Variants in DOK5 observed in about 807,000 individuals in gnomAD.
DOK5 encodes the protein downstream of tyrosine kinase 5.
DOK5 carries 27 observed loss-of-function variants against 43.3 expected under a neutral mutation model. The observed-to-expected ratio is 0.62, with a 90% CI of 0.46 to 0.86. DOK5 has a LOEUF of 0.86. Ranked by LOEUF, DOK5 falls within the 40% of genes least tolerant of loss-of-function variation. DOK5 has a pLI of 0.00. For missense variants in DOK5, 373 were observed against 392.9 expected, an observed-to-expected ratio of 0.95 and a Z score of 0.43; for synonymous variants, 146 against 140.1, an observed-to-expected ratio of 1.04 and a Z score of -0.30.
At chr20:54,610,248 C>A in intron 5 of DOK5, 140 bp from the exon 6 acceptor site, 1 of 896,988 alleles carries the variant, frequency 1.1e-6, no homozygotes, top group Non-Finnish European at 1.5e-6. Flanking sequence ...CATTCCGATT[C>A]TAGTTAACTT....
At chr20:54,505,427 A>G (rs1309187959) in intron 1 of DOK5, among the ~76,000 whole-genome samples, 4 of 152,162 alleles carry the variant, frequency 2.6e-5, no homozygotes, top group Non-Finnish European at 1.5e-5. Context: ...CCTGGATTAA[A>G]CAAGTGAATA....
At chr20:54,478,103 T>G (rs540988015) in intron 1 of DOK5, among the ~76,000 whole-genome samples, 3 of 152,246 alleles carry the variant, frequency 2.0e-5, no homozygotes, top group Non-Finnish European at 4.4e-5. Flanking sequence ...ATTATGGTTA[T>G]TGCTCATGGA....
In DOK5 at chr20:54,525,061, A is replaced by G. The variant is rs182692823; in HGVS notation, c.67-29872A>G. The stretch of plus-strand genomic sequence containing the variant: ...AGTTCTTACCCTGCTCACATGTTAA[A>G]TAATCCAAGTGGCATTGCTCTGAGC... On this transcript the variant is annotated intron_variant, in intron 1 of 7. Coordinates refer to ENST00000262593, the MANE Select transcript of DOK5 (RefSeq NM_018431.5). 2.2e-4 allele frequency among the ~76,000 whole-genome samples: 33 copies of G among 152,326 alleles called. No individual in the cohort carries two copies. The East Asian group carries it at 6.0e-3, about 28-fold the overall frequency.
At chr20:54,594,484 A>C (rs1205602486) in intron 5 of DOK5, among the ~76,000 whole-genome samples, 4 of 152,184 alleles carry the variant, frequency 2.6e-5, no homozygotes, top group Non-Finnish European at 4.4e-5. Context: ...GGGTCTCAGA[A>C]ATTATTTATG....
intron 5 of DOK5, among the ~76,000 whole-genome samples, chr20:54,602,955 G>A (rs1342140825): frequency 1.3e-5 from 2 of 152,188 alleles, no homozygotes; most frequent in African/African-American, 2.4e-5. Context: ...ACAGGCATGA[G>A]CCACCGCGCC....
rs965271612 is a variant in DOK5, at chr20:54,604,769, G to A, written c.600-5619G>A. ...TAATCCCAGCACTTTGGGAGGCTGA[G>A]GTGGATGGATCACCCGAGGTCAGGA... On this transcript the variant is annotated intron_variant, in intron 5 of 7. Coordinates refer to ENST00000262593, the MANE Select transcript of DOK5 (RefSeq NM_018431.5). Among the ~76,000 whole-genome samples, 17 of 152,128 alleles carry A rather than the reference G, an allele frequency of 1.1e-4. No individual in the cohort carries two copies. In the East Asian group the frequency reaches 1.2e-3, roughly 10 times the overall value.
intron 6 of DOK5, among the ~76,000 whole-genome samples, chr20:54,634,793 T>C (rs1415013115): frequency 1.3e-5 from 2 of 151,920 alleles, no homozygotes; most frequent in Non-Finnish European, 2.9e-5. Flanking sequence ...TTTATTGAGA[T>C]ATGAACATAC....
chr20:54,524,695 A>C (rs1983521964), intron 1 of DOK5, among the ~76,000 whole-genome samples: 1 of 152,248 alleles, frequency 6.6e-6, no homozygotes, highest in Non-Finnish European at 1.5e-5. Context: ...GCTTTCTCTG[A>C]CTATTAAAGC....
rs116193965 is a variant in DOK5 at position 54,633,645 on chromosome 20, G to T, written c.736-9813G>T. Reference sequence around the variant, plus strand: ...CTTTATTCAGTCGCTTTAGGGCCCAGGTTGAATGAAAGGAAAATTACAATA... The same window carrying T: ...CTTTATTCAGTCGCTTTAGGGCCCATGTTGAATGAAAGGAAAATTACAATA... On this transcript the variant is annotated intron_variant, in intron 6 of 7. Coordinates refer to ENST00000262593, the MANE Select transcript of DOK5 (RefSeq NM_018431.5). 4.7e-3 allele frequency among the ~76,000 whole-genome samples: 721 copies of T among 152,268 alleles called. 7 individuals are homozygous for T. The highest frequency in any genetic ancestry group is 0.016 in the African/African-American group (651 of 41,550).
chr20:54,644,063 G>A (rs1979255268), intron 7 of DOK5, among the ~76,000 whole-genome samples: 1 of 152,190 alleles, frequency 6.6e-6, no homozygotes, highest in South Asian at 2.1e-4. Context: ...CAGGCCACCT[G>A]TATTTGAACA....
At chr20:54,529,214 A>G (rs1383618235) in intron 1 of DOK5, among the ~76,000 whole-genome samples, 2 of 152,130 alleles carry the variant, frequency 1.3e-5, no homozygotes, top group Non-Finnish European at 2.9e-5. Flanking sequence ...GAAGATAGAC[A>G]TAATTATAAT....
chr20:54,588,795 G>A lies in DOK5; in HGVS notation c.398G>A (p.Arg133Lys), dbSNP rs1291366446. The A allele has an allele frequency of 6.2e-7, 1 of 1,613,928 alleles. No individual in the cohort carries two copies. Among genetic ancestry groups the A allele is most frequent in the Non-Finnish European group, 8.5e-7 (1 of 1,179,864 alleles). Residue 133 changes from arginine (R) to lysine (K), a missense_variant, in exon 4 of 8, where the codon AGA (arginine) becomes AAA (lysine). By Grantham distance (26) the Arg-to-Lys change is conservative (BLOSUM62 2). Coordinates refer to ENST00000262593, the MANE Select transcript of DOK5 (RefSeq NM_018431.5). ...EPDLLATGVE[R>K]EQSERFNVYL... is the part of the protein sequence containing the mutation. ...GACTTACTGGCCACTGGGGTTGAGAGAGAACAGAGTGGTATGTAAAGAAAA... is the reference window on the plus strand; with the variant it reads ...GACTTACTGGCCACTGGGGTTGAGAAAGAACAGAGTGGTATGTAAAGAAAA...
chr20:54,524,228 G>A (rs67854575), intron 1 of DOK5, among the ~76,000 whole-genome samples: 11,267 of 152,174 alleles, frequency 0.074, 452 homozygotes, highest in Non-Finnish European at 0.1. Flanking sequence ...GTGTTAATGC[G>A]AAAGAAGGAT....
intron 6 of DOK5, among the ~76,000 whole-genome samples, chr20:54,631,273 C>T (rs6098127): frequency 0.03 from 4,611 of 152,208 alleles, 236 homozygotes; most frequent in African/African-American, 0.1. Context: ...ATTAGCCAGG[C>T]ATAGTGGCAC....
chr20:54,479,937 A>G (rs1568745494), intron 1 of DOK5, among the ~76,000 whole-genome samples: 1 of 151,920 alleles, frequency 6.6e-6, no homozygotes. Flanking sequence ...TGTGGGCTGT[A>G]TCTTTGAAAT....
intron 5 of DOK5, among the ~76,000 whole-genome samples, chr20:54,599,643 CT>C (rs893284484): frequency 1.8e-4 from 28 of 152,260 alleles, no homozygotes; most frequent in African/African-American, 6.5e-4. Context: ...GAAAGGATGA[CT>C]TTTTTCTGAC....
intron 6 of DOK5, among the ~76,000 whole-genome samples, chr20:54,628,720 C>A (rs568194623): frequency 1.3e-5 from 2 of 152,054 alleles, no homozygotes; most frequent in Non-Finnish European, 2.9e-5. Flanking sequence ...TCAAGCAGAA[C>A]GAGCCCCCCA....
chr20:54,642,581 G>A (rs1268991177), intron 6 of DOK5, among the ~76,000 whole-genome samples: 4 of 147,544 alleles, frequency 2.7e-5, no homozygotes, highest in Admixed American at 1.4e-4. Context: ...AAAATTAGCC[G>A]GGCGTGGTGG....
chr20:54,517,902 C>T (rs576050977), intron 1 of DOK5, among the ~76,000 whole-genome samples: 38 of 152,242 alleles, frequency 2.5e-4, no homozygotes, highest in African/African-American at 7.0e-4. Flanking sequence ...CTTGCCAGTG[C>T]CTTGATCTTG....
Sources: gnomAD v4.1 joint callset for allele counts (sites outside exome capture counted in the v4.1 genomes callset) on GRCh38, gnomAD v4.1.1 for gene constraint, MANE v1.5 for transcripts, NCBI Gene and HGNC (gene_info 2026-07-23, HGNC 2026-07-21) for gene names.